The following STXBP5L variants were observed in gnomAD, a reference collection of about 807,000 sequenced individuals.
STXBP5L encodes the protein syntaxin binding protein 5L.
A neutral mutation model predicts 144.5 loss-of-function variants in STXBP5L; 65 were observed. The ratio of observed to expected loss-of-function variants is 0.45; its 90% CI spans 0.37 to 0.55. STXBP5L has a LOEUF of 0.55. Ranked by LOEUF, STXBP5L falls within the 20% of genes least tolerant of loss-of-function variation. STXBP5L has a pLI of 0.00. For missense variants in STXBP5L, 1,298 were observed against 1,405.5 expected (o/e 0.92, Z 1.22); for synonymous variants, 505 against 469.6 (o/e 1.08, Z -0.97).
chr3:121,124,684 T>C (rs1335746008), intron 7 of STXBP5L, among the ~76,000 whole-genome samples: 2 of 152,076 alleles, frequency 1.3e-5, no homozygotes, highest in African/African-American at 2.4e-5. Flanking sequence ...CCTTAGATTC[T>C]CTGGAATATT....
intron 3 of STXBP5L, among the ~76,000 whole-genome samples, chr3:121,023,037 A>G (rs1335310447): frequency 1.3e-5 from 2 of 152,198 alleles, no homozygotes; most frequent in Non-Finnish European, 2.9e-5. Context: ...GAACTGGTAA[A>G]TAGATTCAGC....
intron 5 of STXBP5L, among the ~76,000 whole-genome samples, chr3:121,089,395 G>GT (rs1054127014): frequency 2.0e-5 from 3 of 151,052 alleles, no homozygotes; most frequent in African/African-American, 7.3e-5. Flanking sequence ...GTTTTTCTTT[G>GT]TTTTTCATTT....
rs1287263873 is a variant in STXBP5L, at chr3:121,423,683, G to A, written c.*4586G>A. On this transcript the variant is annotated 3_prime_UTR_variant, in exon 27 of 27. Coordinates refer to ENST00000471454, the MANE Select transcript of STXBP5L (RefSeq NM_001308330.2). ...GAACCAGACACCAATATTTGCGAAA[G>A]CCTCCAAGGCGGTTCTAATGTCCAG... 2 of 152,198 alleles carry A rather than the reference G, an allele frequency of 1.3e-5. No individual in the cohort carries two copies. The highest frequency in any genetic ancestry group is 2.9e-5 in the Non-Finnish European group (2 of 68,028). The allele number at this position is 152,198 out of a possible 1,614,324, so 9.4% of individuals were successfully genotyped here.
At chr3:121,153,385 G>C (rs868864128) in intron 8 of STXBP5L, among the ~76,000 whole-genome samples, 8 of 152,006 alleles carry the variant, frequency 5.3e-5, no homozygotes, top group African/African-American at 1.4e-4. Flanking sequence ...AAAATGGTGG[G>C]AGTAGGAAGA....
At chr3:120,938,774 CCTTT>C (rs1333522518) in intron 2 of STXBP5L, among the ~76,000 whole-genome samples, 12 of 152,130 alleles carry the variant, frequency 7.9e-5, no homozygotes, top group Admixed American at 1.3e-4. Context: ...AGTTGATTAG[CCTTT>C]CTTTTTCTTT....
chr3:121,079,206 A>G (rs1161587416), intron 5 of STXBP5L, among the ~76,000 whole-genome samples: 1 of 152,286 alleles, frequency 6.6e-6, no homozygotes, highest in African/African-American at 2.4e-5. Context: ...CCCTGAAGAA[A>G]GGGCTTTTCC....
intron 5 of STXBP5L, among the ~76,000 whole-genome samples, chr3:121,107,644 ATGGTGCC>A (rs1435352935): frequency 4.6e-5 from 7 of 152,036 alleles, no homozygotes; most frequent in Admixed American, 3.9e-4. Flanking sequence ...GTTGGGTATC[ATGGTGCC>A]TGCAGCTTTC....
At chr3:121,369,869 T>A (rs1173521790) in intron 20 of STXBP5L, among the ~76,000 whole-genome samples, 1 of 152,232 alleles carries the variant, frequency 6.6e-6, no homozygotes, top group Non-Finnish European at 1.5e-5. Context: ...ATTTACTGAA[T>A]GTGAATGTTA....
intron 7 of STXBP5L, among the ~76,000 whole-genome samples, chr3:121,137,650 C>T (rs1364998126): frequency 6.6e-6 from 1 of 152,052 alleles, no homozygotes; most frequent in African/African-American, 2.4e-5. Context: ...AAACATAATA[C>T]ATCATATTAA....
chr3:121,318,525 A>T lies in STXBP5L; in HGVS notation c.2161A>T (p.Lys721Ter). The T allele has an allele frequency of 6.4e-7, 1 of 1,561,938 alleles. No homozygotes were observed. Residue 721 changes from lysine (K) to a stop codon, truncating the protein, a stop_gained, in exon 20 of 27, where the codon AAG (lysine) becomes TAG (stop). Transcript: ENST00000471454. LOFTEE classifies it high-confidence loss of function. Reference sequence around the variant, plus strand: ...AGTTCCCCTAGAACTTGAGCGCTGCAAGTCTCCTACCTCAGGTAAACATGA... The same window carrying T: ...AGTTCCCCTAGAACTTGAGCGCTGCTAGTCTCCTACCTCAGGTAAACATGA... ...SPVPLELERC[K>*]SPTSDHVNGH... is the part of the protein sequence containing the mutation.
intron 19 of STXBP5L, among the ~76,000 whole-genome samples, chr3:121,293,792 C>T (rs1390544079): frequency 3.3e-5 from 5 of 152,128 alleles, no homozygotes; most frequent in African/African-American, 7.2e-5. Flanking sequence ...ACCCGGGAGG[C>T]GGAGGTTGCC....
chr3:120,973,785 C>A (rs573789348), intron 3 of STXBP5L, among the ~76,000 whole-genome samples: 2 of 149,054 alleles, frequency 1.3e-5, no homozygotes, highest in Non-Finnish European at 3.0e-5. Context: ...TGAGTGAGAA[C>A]ATGCGGTGTT....
chr3:121,375,233 A>G (rs1206771863), intron 20 of STXBP5L, among the ~76,000 whole-genome samples: 2 of 152,224 alleles, frequency 1.3e-5, no homozygotes, highest in Non-Finnish European at 2.9e-5. Context: ...TGGAACAGAT[A>G]TAAACATACA....
chr3:120,981,992 G>T (rs1941823599), intron 3 of STXBP5L, among the ~76,000 whole-genome samples: 1 of 152,172 alleles, frequency 6.6e-6, no homozygotes. Context: ...GCCAGTTTTA[G>T]TAGTGATGTC....
chr3:120,979,076 G>T (rs996677384), intron 3 of STXBP5L, among the ~76,000 whole-genome samples: 1 of 152,224 alleles, frequency 6.6e-6, no homozygotes, highest in Non-Finnish European at 1.5e-5. Flanking sequence ...TCTCTTCAAA[G>T]CTGTCAGACA....
intron 5 of STXBP5L, among the ~76,000 whole-genome samples, chr3:121,106,182 T>C (rs1165046729): frequency 6.6e-6 from 1 of 152,192 alleles, no homozygotes; most frequent in East Asian, 1.9e-4. Flanking sequence ...GTTTTGTCTC[T>C]CCTGTTAGAT....
chr3:121,007,976 G>C (rs903132117), intron 3 of STXBP5L, among the ~76,000 whole-genome samples: 39 of 151,942 alleles, frequency 2.6e-4, no homozygotes, highest in African/African-American at 8.9e-4. Flanking sequence ...ATACTTTCCT[G>C]CTGCTATGGT....
At chr3:121,269,529 C>A (rs1577340365) in intron 18 of STXBP5L, among the ~76,000 whole-genome samples, 2 of 152,134 alleles carry the variant, frequency 1.3e-5, no homozygotes, top group East Asian at 3.9e-4. Context: ...AGTGCAAGAT[C>A]TTGCATCAGT....
chr3:121,113,666 C>CTTTTT (rs1273804231), intron 5 of STXBP5L, among the ~76,000 whole-genome samples: 13 of 132,902 alleles, frequency 9.8e-5, no homozygotes, highest in South Asian at 2.5e-4. Flanking sequence ...ATTCTTTTTT[C>CTTTTT]TTTTTCTTTT....
Sources: allele counts gnomAD v4.1 joint callset (sites outside exome capture counted in the v4.1 genomes callset), GRCh38; gene constraint gnomAD v4.1.1; transcripts MANE v1.5; gene names NCBI Gene and HGNC (gene_info 2026-07-23, HGNC 2026-07-21).